Variants in GBE1 observed in about 807,000 individuals in gnomAD.
GBE1 encodes 1,4-alpha-glucan-branching enzyme.
GBE1 carries 70 observed loss-of-function variants against 88.8 expected under a neutral mutation model. The ratio of observed to expected loss-of-function variants is 0.79; its 90% CI spans 0.65 to 0.96. The LOEUF is 0.96. GBE1 is among the 40% of genes least tolerant of loss of function. The probability of loss-of-function intolerance (pLI) is 0.00; values close to 1 mark genes in which losing one functional copy is unlikely to be tolerated. For synonymous variants in GBE1, 284 were observed against 300.1 expected (o/e 0.95, Z 0.56); for missense variants, 872 against 871.0 (o/e 1.00, Z -0.01).
intron 14 of GBE1, among the ~76,000 whole-genome samples, chr3:81,506,453 T>C (rs1205590228): frequency 6.6e-6 from 1 of 152,122 alleles, no homozygotes; most frequent in Non-Finnish European, 1.5e-5. Context: ...ACACCATTAG[T>C]AGGAAAGATA....
intron 7 of GBE1, among the ~76,000 whole-genome samples, chr3:81,631,469 G>A (rs2107035731): frequency 6.6e-6 from 1 of 152,062 alleles, no homozygotes; most frequent in Non-Finnish European, 1.5e-5. Flanking sequence ...AGGCGTGGTG[G>A]CTCACACCTG....
At chr3:81,721,256 AAG>A (rs200399408) in intron 1 of GBE1, among the ~76,000 whole-genome samples, 4,497 of 105,488 alleles carry the variant, frequency 0.043, 398 homozygotes, top group East Asian at 0.38. Context: ...AAAAAAAAAA[AAG>A]AAAGAAAACC....
intron 15 of GBE1, among the ~76,000 whole-genome samples, chr3:81,498,657 AAAAG>A (rs982460939): frequency 1.5e-4 from 23 of 152,176 alleles, no homozygotes; most frequent in Non-Finnish European, 2.9e-4. Flanking sequence ...TACATGAAAG[AAAAG>A]AAAGATACAT....
intron 8 of GBE1, among the ~76,000 whole-genome samples, chr3:81,593,558 T>C (rs1425855207): frequency 6.6e-6 from 1 of 151,958 alleles, no homozygotes; most frequent in Non-Finnish European, 1.5e-5. Context: ...TTTTATTCAA[T>C]GTGTAATATG....
intron 7 of GBE1, among the ~76,000 whole-genome samples, chr3:81,600,564 A>G (rs551382461): frequency 1.3e-5 from 2 of 152,282 alleles, no homozygotes; most frequent in East Asian, 3.9e-4. Flanking sequence ...TCTTATACAA[A>G]CATAAAGTAT....
intron 7 of GBE1, among the ~76,000 whole-genome samples, chr3:81,626,150 T>C (rs1704411123): frequency 6.6e-6 from 1 of 152,200 alleles, no homozygotes; most frequent in Non-Finnish European, 1.5e-5. Context: ...CAGCAGAGCC[T>C]GAATGCCAAA....
chr3:81,594,085 T>A (rs902232442), intron 7 of GBE1, 62 bp from the exon 8 acceptor site: 2 of 717,322 alleles, frequency 2.8e-6, no homozygotes, highest in Non-Finnish European at 4.7e-6. Flanking sequence ...TTAACTGTTA[T>A]AAATGTTTGC....
chr3:81,731,847 A>G (rs914597541), intron 1 of GBE1, among the ~76,000 whole-genome samples: 1 of 151,922 alleles, frequency 6.6e-6, no homozygotes, highest in Non-Finnish European at 1.5e-5. Context: ...AGCCAATTAA[A>G]CTTCTTTTAT....
At chr3:81,637,074 C>T (rs1704602293) in intron 7 of GBE1, among the ~76,000 whole-genome samples, 1 of 152,016 alleles carries the variant, frequency 6.6e-6, no homozygotes, top group Admixed American at 6.6e-5. Context: ...GATAAAGTTT[C>T]ATGTATAAAT....
chr3:81,639,264 TAG>T (rs1192953462), intron 7 of GBE1, among the ~76,000 whole-genome samples: 1 of 152,106 alleles, frequency 6.6e-6, no homozygotes, highest in Non-Finnish European at 1.5e-5. Context: ...TTTTCAAATA[TAG>T]TTTTTTTATT....
chr3:81,551,531 A>AGG (rs1195286358), intron 12 of GBE1, among the ~76,000 whole-genome samples: 1 of 152,108 alleles, frequency 6.6e-6, no homozygotes, highest in Non-Finnish European at 1.5e-5. Context: ...TCCCTTGGAG[A>AGG]GGCTAAGCAG....
At chr3:81,589,120 A>G (rs1269510130) in intron 9 of GBE1, among the ~76,000 whole-genome samples, 1 of 152,142 alleles carries the variant, frequency 6.6e-6, no homozygotes, top group Non-Finnish European at 1.5e-5. Context: ...TGGCATATGA[A>G]AATGATTCTG....
At chr3:81,590,433 C>G (rs964760734) in intron 9 of GBE1, among the ~76,000 whole-genome samples, 1 of 152,128 alleles carries the variant, frequency 6.6e-6, no homozygotes, top group African/African-American at 2.4e-5. Context: ...AAGCATTTAA[C>G]AAACTTCTTA....
chr3:81,503,259 A>T (rs1702612996), intron 14 of GBE1, among the ~76,000 whole-genome samples: 1 of 152,210 alleles, frequency 6.6e-6, no homozygotes. Context: ...GCATATGAAC[A>T]TGCGTAAATA....
chr3:81,558,995 G>C (rs1197681818), intron 12 of GBE1, among the ~76,000 whole-genome samples: 2 of 152,072 alleles, frequency 1.3e-5, no homozygotes, highest in African/African-American at 2.4e-5. Flanking sequence ...ATACTGGCAA[G>C]AGAAGGAGAA....
chr3:81,761,639 C>T lies in GBE1; in HGVS notation c.-122G>A. Reference sequence around the variant, plus strand: ...CGGAGGGCGCCTAGGCGTGTCGAGGCAAGCCGAGGCGAGCCGCGGCGGTCC... The same window carrying T: ...CGGAGGGCGCCTAGGCGTGTCGAGGTAAGCCGAGGCGAGCCGCGGCGGTCC... On this transcript the variant is annotated 5_prime_UTR_variant, in exon 1 of 16. Transcript: ENST00000429644. 3.2e-6 allele frequency: 4 copies of T among 1,259,458 alleles called. No individual in the cohort carries two copies. Among genetic ancestry groups the T allele is most frequent in the East Asian group, 2.7e-5 (1 of 37,378 alleles). 78.0% of individuals were successfully genotyped at this position (1,259,458 alleles called of 1,614,324 possible). A position where few individuals can be genotyped will look rare whatever the true frequency, so the allele number is the denominator to read the frequency against.
chr3:81,687,521 G>C (rs1705458599), intron 2 of GBE1, among the ~76,000 whole-genome samples: 1 of 152,168 alleles, frequency 6.6e-6, no homozygotes, highest in Non-Finnish European at 1.5e-5. Flanking sequence ...AATGAAAAAT[G>C]AGGAGGTAGT....
Position 81,750,633 on chromosome 3 carries a change from A to ATATATATATATG in GBE1, c.143+10730_143+10741dup, listed in dbSNP as rs1559708795. Among the ~76,000 whole-genome samples, 11 of 42,076 alleles carry ATATATATATATG rather than the reference A, an allele frequency of 2.6e-4. 1 individual carries two copies. In the East Asian group the frequency reaches 7.9e-3, roughly 30 times the overall value. The allele number at this position is 42,076 out of a possible 152,430, so 27.6% of individuals were successfully genotyped here. On this transcript the variant is annotated intron_variant, in intron 1 of 15. Transcript: ENST00000429644. The stretch of plus-strand genomic sequence containing the variant: ...TATATATATGTATATATATATACGT[A>ATATATATATATG]TATATATATATGTATATATATATAT...
chr3:81,541,295 C>G (rs1314360319), intron 12 of GBE1, among the ~76,000 whole-genome samples: 1 of 151,804 alleles, frequency 6.6e-6, no homozygotes, highest in East Asian at 1.9e-4. Flanking sequence ...CACACACACA[C>G]AAACACACAC....
Sources: allele counts gnomAD v4.1 joint callset (sites outside exome capture counted in the v4.1 genomes callset), GRCh38; gene constraint gnomAD v4.1.1; transcripts MANE v1.5; gene names NCBI Gene and HGNC (gene_info 2026-07-23, HGNC 2026-07-21).